Variants in RAD51B observed in about 807,000 individuals in gnomAD.
The protein encoded by RAD51B is RAD51 paralog B.
RAD51B carries 38 observed loss-of-function variants against 42.2 expected under a neutral mutation model. That is an observed-to-expected ratio of 0.90 (90% CI 0.70 to 1.18). The LOEUF (loss-of-function observed/expected upper bound fraction) is 1.18. Ranked by LOEUF, RAD51B falls within the 50% of genes most tolerant of loss-of-function variation. The pLI, the probability that RAD51B is intolerant of heterozygous loss-of-function variation, is 0.00. For missense variants in RAD51B, 373 were observed against 400.7 expected (o/e 0.93, Z 0.59); for synonymous variants, 154 against 145.2 (o/e 1.06, Z -0.43).
intron 9 of RAD51B, among the ~76,000 whole-genome samples, chr14:68,434,839 G>T (rs976718433): frequency 2.0e-5 from 3 of 152,174 alleles, no homozygotes; most frequent in Non-Finnish European, 4.4e-5. Context: ...CATTGCTCAT[G>T]CTGGGAGCTG....
chr14:67,883,878 T>A (rs1029540940), intron 5 of RAD51B, among the ~76,000 whole-genome samples: 1 of 152,150 alleles, frequency 6.6e-6, no homozygotes, highest in African/African-American at 2.4e-5. Flanking sequence ...AATGAATGGA[T>A]CTTAGTGCTC....
intron 8 of RAD51B, among the ~76,000 whole-genome samples, chr14:68,327,013 G>C (rs1160441088): frequency 3.3e-5 from 5 of 152,126 alleles, no homozygotes; most frequent in Non-Finnish European, 7.3e-5. Flanking sequence ...CCCAACCCAG[G>C]AGAGTCCTGT....
In RAD51B at chr14:68,434,596, C is replaced by T. The variant is rs1170923716; in HGVS notation, c.957+23069C>T. On this transcript the variant is annotated intron_variant, in intron 9 of 10. Transcript: ENST00000471583. Reference sequence around the variant, plus strand: ...TCATTTGCTAAGACCATTGGAAAAGCGCAGTATTAGGGTGAGAGTGACCTG... The same window carrying T: ...TCATTTGCTAAGACCATTGGAAAAGTGCAGTATTAGGGTGAGAGTGACCTG... 2.0e-5 allele frequency among the ~76,000 whole-genome samples: 3 copies of T among 152,180 alleles called. 1 individual carries two copies. Among genetic ancestry groups the T allele is most frequent in the South Asian group, 4.1e-4 (2 of 4,834 alleles).
chr14:67,941,514 T>C (rs1471915694), intron 7 of RAD51B, among the ~76,000 whole-genome samples: 1 of 152,236 alleles, frequency 6.6e-6, no homozygotes, highest in African/African-American at 2.4e-5. Context: ...ACTGTTGCTA[T>C]GCCTCTGCCA....
At chr14:68,599,339 T>C (rs992408944), downstream of RAD51B, among the ~76,000 whole-genome samples, 3 of 152,262 alleles carry the variant, frequency 2.0e-5, no homozygotes, top group South Asian at 6.2e-4. Flanking sequence ...ATCCTCCTTC[T>C]CCAGCCACAG....
intron 7 of RAD51B, among the ~76,000 whole-genome samples, chr14:68,004,661 G>C (rs1028823274): frequency 2.6e-5 from 4 of 152,070 alleles, no homozygotes; most frequent in Middle Eastern, 3.2e-3. Context: ...GTAGCTCAAT[G>C]AATTTTCACA....
chr14:67,821,139 G>C (rs1476727285), intron 1 of RAD51B, among the ~76,000 whole-genome samples: 1 of 152,214 alleles, frequency 6.6e-6, no homozygotes, highest in Non-Finnish European at 1.5e-5. Flanking sequence ...GCTTCTTCCT[G>C]TCTGCTTCCA....
chr14:67,874,202 A>G (rs2042648348), intron 5 of RAD51B, among the ~76,000 whole-genome samples: 1 of 152,222 alleles, frequency 6.6e-6, no homozygotes, highest in Non-Finnish European at 1.5e-5. Context: ...GAAGCAATGC[A>G]CTAACCAATT....
In RAD51B at chr14:68,336,977, T is replaced by C. The variant is rs183384278; in HGVS notation, c.853+44997T>C. 2.5e-3 allele frequency among the ~76,000 whole-genome samples: 378 copies of C among 152,362 alleles called. 6 individuals are homozygous for C. Among genetic ancestry groups the C allele is most frequent in the African/African-American group, 8.4e-3 (348 of 41,594 alleles). ...ACAAACATTACAGTAATTTTTCTCA[T>C]CTACCTCAGAAAAGTTCCATGTTCT... On this transcript the variant is annotated intron_variant, in intron 8 of 10. Coordinates refer to ENST00000471583, the MANE Select transcript of RAD51B (RefSeq NM_133510.4).
intron 9 of RAD51B, among the ~76,000 whole-genome samples, chr14:68,438,446 A>C (rs1332753107): frequency 2.0e-5 from 3 of 152,162 alleles, no homozygotes; most frequent in African/African-American, 7.2e-5. Context: ...GGGAGGCAAG[A>C]GCTGGCCCTG....
At chr14:68,181,933 C>T (rs757062956) in intron 7 of RAD51B, among the ~76,000 whole-genome samples, 8 of 152,184 alleles carry the variant, frequency 5.3e-5, no homozygotes, top group Non-Finnish European at 1.0e-4. Flanking sequence ...GGCTTTAAGA[C>T]AGTACATTTA....
chr14:67,823,603 T>C lies in RAD51B; in HGVS notation c.60T>C (p.Ser20=), dbSNP rs2040710198. ...GLSQELCDRL[S]RHQILTCQDF... ...CACAAGAGCTGTGTGACCGTCTGAGTAGACATCAGATCCTTACCTGTCAGG... is the reference window on the plus strand; with the variant it reads ...CACAAGAGCTGTGTGACCGTCTGAGCAGACATCAGATCCTTACCTGTCAGG... Residue 20 remains serine, a synonymous_variant, in exon 2 of 11, where the codon AGT becomes AGC. Transcript: ENST00000471583. 4 of 1,613,658 alleles carry C rather than the reference T, an allele frequency of 2.5e-6. No homozygotes were observed. Among genetic ancestry groups the C allele is most frequent in the Non-Finnish European group, 3.4e-6 (4 of 1,179,818 alleles).
At chr14:67,829,479 T>C (rs1260526411) in intron 3 of RAD51B, among the ~76,000 whole-genome samples, 1 of 152,082 alleles carries the variant, frequency 6.6e-6, no homozygotes, top group Non-Finnish European at 1.5e-5. Flanking sequence ...CCTGACCTCA[T>C]GATCCGCCCG....
intron 8 of RAD51B, among the ~76,000 whole-genome samples, chr14:68,357,823 C>T (rs911588538): frequency 2.6e-5 from 4 of 152,140 alleles, no homozygotes; most frequent in Admixed American, 6.5e-5. Context: ...GCCATCCATT[C>T]CTTGTTGTTC....
In RAD51B at chr14:68,226,605, C is replaced by T. The variant is rs546069616; in HGVS notation, c.757-65279C>T. Among the ~76,000 whole-genome samples the T allele has an allele frequency of 7.2e-5, 11 of 152,350 alleles. No individual in the cohort carries two copies. In the East Asian group the frequency reaches 2.1e-3, roughly 29 times the overall value. On this transcript the variant is annotated intron_variant, in intron 7 of 10. Transcript: ENST00000471583. ...TTGCCTGGTGCCGTGTAAGACGTAACTTTGCTCCTCCTTGCCTTCTGCCAT... is the reference window on the plus strand; with the variant it reads ...TTGCCTGGTGCCGTGTAAGACGTAATTTTGCTCCTCCTTGCCTTCTGCCAT...
chr14:68,013,709 AGT>A (rs1238633847), intron 7 of RAD51B, among the ~76,000 whole-genome samples: 3 of 152,216 alleles, frequency 2.0e-5, no homozygotes, highest in Non-Finnish European at 2.9e-5. Flanking sequence ...AAACTTGTCT[AGT>A]ATTATTTAAA....
intron 8 of RAD51B, among the ~76,000 whole-genome samples, chr14:68,369,744 C>T (rs2083214305): frequency 6.6e-6 from 1 of 152,168 alleles, no homozygotes; most frequent in African/African-American, 2.4e-5. Context: ...ATGACTAGCT[C>T]AGTACAGGTT....
chr14:68,227,848 C>T (rs1360418402), intron 7 of RAD51B, among the ~76,000 whole-genome samples: 1 of 152,176 alleles, frequency 6.6e-6, no homozygotes, highest in Non-Finnish European at 1.5e-5. Context: ...CTTTGAAATA[C>T]ATGTGCTGGC....
intron 7 of RAD51B, among the ~76,000 whole-genome samples, chr14:68,064,956 G>A (rs2076626315): frequency 6.6e-6 from 1 of 151,814 alleles, no homozygotes; most frequent in Non-Finnish European, 1.5e-5. Flanking sequence ...TCCTTTTTTG[G>A]CAATTTATAA....
Sources: gnomAD v4.1 joint callset for allele counts (sites outside exome capture counted in the v4.1 genomes callset) on GRCh38, gnomAD v4.1.1 for gene constraint, MANE v1.5 for transcripts, NCBI Gene and HGNC (gene_info 2026-07-23, HGNC 2026-07-21) for gene names.